SLC2A1: variants seen among roughly 807,000 people sequenced by gnomAD.
The protein encoded by SLC2A1 is solute carrier family 2, facilitated glucose transporter member 1.
Under a neutral mutation model 46.6 loss-of-function variants are expected in SLC2A1, and 4 were observed. The observed-to-expected ratio is 0.09, with a 90% CI of 0.04 to 0.20. SLC2A1 has a LOEUF of 0.20. SLC2A1 is among the 10% of genes least tolerant of loss of function. The pLI is 1.00. For synonymous variants in SLC2A1, 253 were observed against 270.0 expected, an observed-to-expected ratio of 0.94 and a Z score of 0.62; for missense variants, 352 against 667.0, an observed-to-expected ratio of 0.53 and a Z score of 5.20.
intron 2 of SLC2A1, among the ~76,000 whole-genome samples, chr1:42,935,828 C>T (rs841852): frequency 0.24 from 36,944 of 152,040 alleles, 4,759 homozygotes; most frequent in African/African-American, 0.32. Context: ...AAGTAGGGAG[C>T]ATGCAAGTCA....
At chr1:42,941,317 G>A (rs1643595819) in intron 2 of SLC2A1, among the ~76,000 whole-genome samples, 1 of 152,096 alleles carries the variant, frequency 6.6e-6, no homozygotes, top group Non-Finnish European at 1.5e-5. Context: ...TACTCACAAG[G>A]CCCTTTGTGG....
At chr1:42,949,893 C>G (rs1023807683) in intron 1 of SLC2A1, among the ~76,000 whole-genome samples, 2 of 152,176 alleles carry the variant, frequency 1.3e-5, no homozygotes, top group South Asian at 2.1e-4. Context: ...CTTAGGTCCT[C>G]CCCCTTGTTT....
Position 42,927,832 on chromosome 1 carries a change from G to T in SLC2A1, c.1075-24C>A. ...TCCTGTTGAGGATGACGGAGAGGGG[G>T]AAAAGTTAGACTGGGTTGTGATGGA... On this transcript the variant is annotated intron_variant, in intron 8 of 9. Coordinates refer to ENST00000426263, the MANE Select transcript of SLC2A1 (RefSeq NM_006516.4). The surrounding 1 kb of genome is among the most constrained non-coding windows in gnomAD (Gnocchi z 5.3). 2 of 1,571,720 alleles carry T rather than the reference G, an allele frequency of 1.3e-6. No individual in the cohort carries two copies. Among genetic ancestry groups the T allele is most frequent in the South Asian group, 1.1e-5 (1 of 88,342 alleles).
Position 42,928,916 on chromosome 1 carries a change from G to A in SLC2A1, c.1074+16C>T. On this transcript the variant is annotated intron_variant, in intron 8 of 9. Transcript: ENST00000426263. ...ACTCTCCCGCATCCCTCACTCTCCA[G>A]AACCTAGCAACTCACCAGCAGTGCT... 6.2e-7 allele frequency: 1 copy of A among 1,609,278 alleles called. No individual in the cohort carries two copies. The highest frequency in any genetic ancestry group is 8.5e-7 in the Non-Finnish European group (1 of 1,175,906).
intron 1 of SLC2A1, among the ~76,000 whole-genome samples, chr1:42,949,125 C>T (rs1277242106): frequency 6.6e-6 from 1 of 151,298 alleles, no homozygotes; most frequent in Non-Finnish European, 1.5e-5. Flanking sequence ...TGCCTATAAT[C>T]CCAGCTACTT....
chr1:42,935,242 C>G (rs148974606), intron 2 of SLC2A1, among the ~76,000 whole-genome samples: 2 of 152,188 alleles, frequency 1.3e-5, no homozygotes, highest in Admixed American at 1.3e-4. Flanking sequence ...AGCAGGTTGA[C>G]TCTGGGCAGC....
rs1187350702 is a variant in SLC2A1, at chr1:42,929,438, G to A, written c.868-124C>T. The stretch of plus-strand genomic sequence containing the variant: ...AGGGGACAAATACTCAGGCAGAAGG[G>A]ACACTGCACTGCAGTGACCTTACGG... On this transcript the variant is annotated intron_variant, in intron 6 of 9. Coordinates refer to ENST00000426263, the MANE Select transcript of SLC2A1 (RefSeq NM_006516.4). The surrounding 1 kb of genome is among the most constrained non-coding windows in gnomAD (Gnocchi z 6.0). 9.3e-7 allele frequency: 1 copy of A among 1,069,972 alleles called. No homozygotes were observed. Among genetic ancestry groups the A allele is most frequent in the Non-Finnish European group, 1.4e-6 (1 of 702,610 alleles). 66.3% of individuals were successfully genotyped at this position (1,069,972 alleles called of 1,614,324 possible).
chr1:42,941,299 C>T (rs1016359614), intron 2 of SLC2A1, among the ~76,000 whole-genome samples: 5 of 152,178 alleles, frequency 3.3e-5, no homozygotes, highest in African/African-American at 1.2e-4. Flanking sequence ...TCTGACTGTG[C>T]CGTGCCATAC....
Position 42,929,578 on chromosome 1 carries a change from G to C in SLC2A1, c.867+15C>G. The C allele has an allele frequency of 6.2e-7, 1 of 1,606,944 alleles. No homozygotes were observed. Among genetic ancestry groups the C allele is most frequent in the Non-Finnish European group, 8.5e-7 (1 of 1,174,762 alleles). ...GCTTGGCTGGGGCACAGGAAGGGTG[G>C]GTGGGGGCACTCACAGCGTTGATGC... On this transcript the variant is annotated intron_variant, in intron 6 of 9. Coordinates refer to ENST00000426263, the MANE Select transcript of SLC2A1 (RefSeq NM_006516.4). This position sits in a 1 kb window ranked among gnomAD's most constrained non-coding sequence, Gnocchi z 6.0.
intron 2 of SLC2A1, among the ~76,000 whole-genome samples, chr1:42,942,609 C>T (rs1163093498): frequency 6.6e-6 from 1 of 151,850 alleles, no homozygotes; most frequent in Non-Finnish European, 1.5e-5. Flanking sequence ...CTTTGACTGC[C>T]ACAGGGCCTT....
Position 42,943,149 on chromosome 1 carries a change from G to A in SLC2A1, c.114+77C>T. 3.2e-6 allele frequency: 3 copies of A among 938,858 alleles called. No individual in the cohort carries two copies. In the South Asian group the frequency reaches 4.1e-5, roughly 13 times the overall value. 58.2% of individuals were successfully genotyped at this position (938,858 alleles called of 1,614,324 possible). ...TATAAATGACTCTAATTCAGGTGGT[G>A]GCGTGAGACTGTGGGCATGTGTGAT... On this transcript the variant is annotated intron_variant, in intron 2 of 9. Coordinates refer to ENST00000426263, the MANE Select transcript of SLC2A1 (RefSeq NM_006516.4).
chr1:42,937,565 C>T (rs1643554190), intron 2 of SLC2A1, among the ~76,000 whole-genome samples: 1 of 152,242 alleles, frequency 6.6e-6, no homozygotes, highest in Non-Finnish European at 1.5e-5. Context: ...CCCGGAGTTA[C>T]ATTGCAGCCT....
At chr1:42,934,184 C>A (rs528674019) in intron 2 of SLC2A1, among the ~76,000 whole-genome samples, 1 of 152,278 alleles carries the variant, frequency 6.6e-6, no homozygotes, top group African/African-American at 2.4e-5. Context: ...AGAGCTCCAC[C>A]CTGAGTTACG....
rs758539249 is a variant in SLC2A1 at position 42,943,329 on chromosome 1, GAAAC to G, written c.19-12_19-9del. Reference sequence around the variant, plus strand: ...GAGGCGACCCGTCAGCTTCTGCGGAGAAACAAACCACACTGTTATAGGCGTGTCT... The same window carrying G: ...GAGGCGACCCGTCAGCTTCTGCGGAGAAACCACACTGTTATAGGCGTGTCT... On this transcript the variant is annotated splice_polypyrimidine_tract_variant and intron_variant, in intron 1 of 9. Coordinates refer to ENST00000426263, the MANE Select transcript of SLC2A1 (RefSeq NM_006516.4). 15 of 1,606,968 alleles carry G rather than the reference GAAAC, an allele frequency of 9.3e-6. No individual in the cohort carries two copies. The highest frequency in any genetic ancestry group is 1.3e-5 in the Non-Finnish European group (15 of 1,174,158).
chr1:42,949,481 T>C (rs533667103), intron 1 of SLC2A1, among the ~76,000 whole-genome samples: 3 of 152,184 alleles, frequency 2.0e-5, no homozygotes, highest in African/African-American at 4.8e-5. Context: ...AGAAGAGTGA[T>C]GGACTAACAG....
chr1:42,943,213 G>A lies in SLC2A1; in HGVS notation c.114+13C>T. The A allele has an allele frequency of 1.9e-6, 3 of 1,584,552 alleles. No homozygotes were observed. The highest frequency in any genetic ancestry group is 1.7e-6 in the Non-Finnish European group (2 of 1,153,948). On this transcript the variant is annotated intron_variant, in intron 2 of 9. Transcript: ENST00000426263. ...GGCTGGTGTCCATAAGCCAACGATGGCACAGTACTCACCTTCTGGGGGGCA... is the reference window on the plus strand; with the variant it reads ...GGCTGGTGTCCATAAGCCAACGATGACACAGTACTCACCTTCTGGGGGGCA...
chr1:42,935,474 C>A (rs965996886), intron 2 of SLC2A1, among the ~76,000 whole-genome samples: 2 of 152,216 alleles, frequency 1.3e-5, no homozygotes, highest in African/African-American at 4.8e-5. Context: ...GCGAACACTG[C>A]CTGGCACATG....
At chr1:42,945,026 G>C (rs920534118) in intron 1 of SLC2A1, among the ~76,000 whole-genome samples, 1 of 152,092 alleles carries the variant, frequency 6.6e-6, no homozygotes, top group Non-Finnish European at 1.5e-5. Flanking sequence ...GACACACCAG[G>C]TCAAGCCTAA....
chr1:42,953,378 T>TCCACC (rs1262321110), intron 1 of SLC2A1, among the ~76,000 whole-genome samples: 13 of 152,232 alleles, frequency 8.5e-5, no homozygotes, highest in Non-Finnish European at 1.6e-4. Flanking sequence ...CAGGCTCCAG[T>TCCACC]CCACCCCTCC....
Sources: allele counts gnomAD v4.1 joint callset (sites outside exome capture counted in the v4.1 genomes callset), GRCh38; gene constraint gnomAD v4.1.1; non-coding constraint Gnocchi (gnomAD v3.1); transcripts MANE v1.5; gene names NCBI Gene and HGNC (gene_info 2026-07-23, HGNC 2026-07-21).